The following AP1M1 variants were observed in gnomAD, a reference collection of about 807,000 sequenced individuals.
AP1M1 encodes the protein adaptor related protein complex 1 subunit mu 1, also known as AP-1 complex subunit mu-1.
Under a neutral mutation model 57.1 loss-of-function variants are expected in AP1M1, and 18 were observed. The ratio of observed to expected loss-of-function variants is 0.32; its 90% CI spans 0.22 to 0.47. AP1M1 has a LOEUF of 0.47. Ranked by LOEUF, AP1M1 falls within the 20% of genes least tolerant of loss-of-function variation. The probability of loss-of-function intolerance (pLI) is 1.00; values close to 1 mark genes in which losing one functional copy is unlikely to be tolerated. For missense variants in AP1M1, 362 were observed against 593.5 expected (o/e 0.61, Z 4.05); for synonymous variants, 241 against 237.9 (o/e 1.01, Z -0.12).
intron 1 of AP1M1, among the ~76,000 whole-genome samples, chr19:16,199,464 G>A (rs1174833216): frequency 6.6e-6 from 1 of 152,198 alleles, no homozygotes; most frequent in Non-Finnish European, 1.5e-5. Flanking sequence ...AACAAGAACC[G>A]GTCCAACAAT....
rs896822841 is a variant in AP1M1 at position 16,236,330 on chromosome 19, C to G, written c.*1895C>G. ...GATAAGACCTGCAAACCCTCCACTA[C>G]AGACTGTAGAAATGCAGGAAATGAA... On this transcript the variant is annotated 3_prime_UTR_variant, in exon 12 of 12. Coordinates refer to ENST00000291439, the MANE Select transcript of AP1M1 (RefSeq NM_032493.4). The G allele has an allele frequency of 3.3e-5, 5 of 152,286 alleles. No individual in the cohort carries two copies. The highest frequency in any genetic ancestry group is 6.5e-5 in the Admixed American group (1 of 15,276). The allele number at this position is 152,286 out of a possible 1,614,324, so 9.4% of individuals were successfully genotyped here.
chr19:16,225,112 G>A (rs1189020843), intron 5 of AP1M1, among the ~76,000 whole-genome samples: 2 of 152,178 alleles, frequency 1.3e-5, no homozygotes, highest in Admixed American at 6.5e-5. Context: ...GGCCATGTCC[G>A]GTTCCCTGCC....
intron 6 of AP1M1, chr19:16,226,874 C>G (rs1037249707): frequency 2.1e-4 from 48 of 228,474 alleles, no homozygotes; most frequent in African/African-American, 8.7e-4. Context: ...CCAGGTTTCT[C>G]CCCTCACCTT....
chr19:16,201,636 G>A (rs967216580), intron 1 of AP1M1, among the ~76,000 whole-genome samples: 41 of 152,156 alleles, frequency 2.7e-4, no homozygotes, highest in African/African-American at 7.7e-4. Flanking sequence ...GACTTCAGAT[G>A]ATCCGCCTGC....
intron 9 of AP1M1, among the ~76,000 whole-genome samples, chr19:16,232,824 C>T (rs1291326155): frequency 6.6e-6 from 1 of 152,180 alleles, no homozygotes. Flanking sequence ...CAGGGCGAGA[C>T]CAGGCGCTGG....
chr19:16,223,286 G>C (rs1568353438), intron 5 of AP1M1, among the ~76,000 whole-genome samples: 1 of 152,306 alleles, frequency 6.6e-6, no homozygotes, highest in East Asian at 1.9e-4. Context: ...GGTTAGTTCA[G>C]TTCTCAAACT....
intron 5 of AP1M1, among the ~76,000 whole-genome samples, chr19:16,216,163 G>A (rs960240772): frequency 4.6e-5 from 7 of 152,006 alleles, no homozygotes; most frequent in African/African-American, 1.5e-4. Flanking sequence ...GTCTATTTCT[G>A]TCATTTCAGC....
intron 1 of AP1M1, among the ~76,000 whole-genome samples, chr19:16,202,073 C>T (rs1385363062): frequency 6.6e-6 from 1 of 152,138 alleles, no homozygotes; most frequent in Non-Finnish European, 1.5e-5. Flanking sequence ...AGGGGCTGTT[C>T]CCTCAACACG....
At chr19:16,198,970 G>A (rs1225752664) in intron 1 of AP1M1, among the ~76,000 whole-genome samples, 1 of 152,116 alleles carries the variant, frequency 6.6e-6, no homozygotes, top group Non-Finnish European at 1.5e-5. Flanking sequence ...ACTACGCCGA[G>A]CTAAATTTTG....
intron 1 of AP1M1, among the ~76,000 whole-genome samples, chr19:16,199,532 G>A (rs1234727193): frequency 2.0e-5 from 3 of 152,218 alleles, no homozygotes; most frequent in East Asian, 1.9e-4. Flanking sequence ...TCCTAGGTGA[G>A]GCGGGCAGGG....
At chr19:16,215,205 G>T (rs1432540625) in intron 5 of AP1M1, among the ~76,000 whole-genome samples, 2 of 46,778 alleles carry the variant, frequency 4.3e-5, no homozygotes, top group East Asian at 1.6e-3. Context: ...GGGGGCGGGG[G>T]GGGGGGAGAG....
At chr19:16,223,986 C>T (rs1171027083) in intron 5 of AP1M1, among the ~76,000 whole-genome samples, 1 of 152,226 alleles carries the variant, frequency 6.6e-6, no homozygotes, top group Non-Finnish European at 1.5e-5. Context: ...CTGACGGCCA[C>T]TGGCAGTGCA....
chr19:16,219,763 G>A (rs1281970116), intron 5 of AP1M1, among the ~76,000 whole-genome samples: 3 of 152,194 alleles, frequency 2.0e-5, no homozygotes, highest in Admixed American at 2.0e-4. Context: ...TTCCCTTGGA[G>A]ATGCTGAATA....
intron 5 of AP1M1, chr19:16,209,406 C>G: frequency 2.2e-6 from 1 of 447,486 alleles, no homozygotes. Context: ...TCTCGGCTCA[C>G]TGCAACCTCC....
Position 16,228,918 on chromosome 19 carries a change from A to G in AP1M1, c.1037A>G (p.Lys346Arg). 1.9e-6 allele frequency: 3 copies of G among 1,613,932 alleles called. No homozygotes were observed. Among genetic ancestry groups the G allele is most frequent in the Non-Finnish European group, 2.5e-6 (3 of 1,179,910 alleles). Residue 346 changes from lysine (K) to arginine (R), a missense_variant, in exon 9 of 12, where the codon AAG becomes AGG. This residue lies in a region of AP1M1 where 337 missense variants were observed against 511.1 expected (regional missense o/e 0.66). Coordinates refer to ENST00000291439, the MANE Select transcript of AP1M1 (RefSeq NM_032493.4). This position sits in a 1 kb window ranked among gnomAD's most constrained non-coding sequence, Gnocchi z 5.0. ...AACAGCGAGATCGTGTGGTCCATCA[A>G]GTCCTTCCCGGTGAGCACTCTGTCC... ...PENSEIVWSIKSFPGGKEYLM... is the reference protein window; with the variant it reads ...PENSEIVWSIRSFPGGKEYLM...
rs1398247183 is a variant in AP1M1 at position 16,228,106 on chromosome 19, G to A, written c.817-31G>A. On this transcript the variant is annotated intron_variant, in intron 7 of 11. Coordinates refer to ENST00000291439, the MANE Select transcript of AP1M1 (RefSeq NM_032493.4). This position sits in a 1 kb window ranked among gnomAD's most constrained non-coding sequence, Gnocchi z 5.0. ...ATGGGCCTTTGTCAAACAAGGCCAG[G>A]TGTGAGCACCCTCTTTGCCCTCCTT... 21 of 1,611,176 alleles carry A rather than the reference G, an allele frequency of 1.3e-5. No homozygotes were observed. The highest frequency in any genetic ancestry group is 1.8e-5 in the Non-Finnish European group (21 of 1,178,326).
At chr19:16,215,214 A>AGGGGGGGGGG (rs1262651842) in intron 5 of AP1M1, among the ~76,000 whole-genome samples, 1 of 2,576 alleles carries the variant, frequency 3.9e-4, no homozygotes, top group African/African-American at 6.8e-4. Context: ...GGGGGGGGAG[A>AGGGGGGGGGG]GGGGGGAGGG....
At chr19:16,198,556 A>G (rs1004866184) in intron 1 of AP1M1, among the ~76,000 whole-genome samples, 4 of 152,120 alleles carry the variant, frequency 2.6e-5, no homozygotes, top group Non-Finnish European at 5.9e-5. Flanking sequence ...CTCCACGTTC[A>G]TTGTGATAGT....
At position 16,207,538 on chromosome 19, in the gene AP1M1, G is replaced by A. The variant is rs2091474554; in HGVS notation, c.268-481G>A. Among the ~76,000 whole-genome samples the A allele has an allele frequency of 6.6e-6, 1 of 152,222 alleles. No homozygotes were observed. Among genetic ancestry groups the A allele is most frequent in the Admixed American group, 6.5e-5 (1 of 15,288 alleles). ...TGTTTTAGTGACGCTCCTTCCTTCA[G>A]CATTTGTGCCTGCAAAAGTGCTTCT... On this transcript the variant is annotated intron_variant, in intron 3 of 11. Transcript: ENST00000291439. The surrounding 1 kb of genome is among the most constrained non-coding windows in gnomAD (Gnocchi z 4.2).
Sources: allele counts gnomAD v4.1 joint callset (sites outside exome capture counted in the v4.1 genomes callset), GRCh38; gene constraint gnomAD v4.1.1; regional missense constraint gnomAD v4.1.1; non-coding constraint Gnocchi (gnomAD v3.1); transcripts MANE v1.5; gene names NCBI Gene and HGNC (gene_info 2026-07-23, HGNC 2026-07-21).